BRINP3: variants seen among roughly 807,000 people sequenced by gnomAD.
The protein encoded by BRINP3 is BMP/retinoic acid inducible neural specific 3.
BRINP3 carries 19 observed loss-of-function variants against 71.0 expected under a neutral mutation model. The observed-to-expected ratio is 0.27, with a 90% confidence interval of 0.19 to 0.39. BRINP3 has a LOEUF of 0.39. BRINP3 is among the 10% of genes least tolerant of loss of function. The pLI, the probability that BRINP3 is intolerant of heterozygous loss-of-function variation, is 1.00. For synonymous variants in BRINP3, 380 were observed against 337.7 expected (o/e 1.13, Z -1.37); for missense variants, 959 against 940.8 (o/e 1.02, Z -0.25).
chr1:190,302,231 G>GTA (rs1389880375), intron 2 of BRINP3, among the ~76,000 whole-genome samples: 7 of 147,260 alleles, frequency 4.8e-5, no homozygotes, highest in Admixed American at 6.8e-5. Flanking sequence ...GACAAGAAGT[G>GTA]TATATATATA....
intron 4 of BRINP3, among the ~76,000 whole-genome samples, chr1:190,241,264 C>T (rs968326150): frequency 6.6e-6 from 1 of 152,010 alleles, no homozygotes. Context: ...TTCACCATCT[C>T]ATTATATAAA....
At position 190,097,840 on chromosome 1, in the gene BRINP3, C is replaced by T; in HGVS notation, c.*178G>A. Reference sequence around the variant, plus strand: ...TTATGTCATTCATAAACCAAAACTGCTGTATAATATATTCATTGTCAGCAA... The same window carrying T: ...TTATGTCATTCATAAACCAAAACTGTTGTATAATATATTCATTGTCAGCAA... On this transcript the variant is annotated 3_prime_UTR_variant, in exon 8 of 8. Transcript: ENST00000367462. 1 of 636,266 alleles carries T rather than the reference C, an allele frequency of 1.6e-6. No individual in the cohort carries two copies. The highest frequency in any genetic ancestry group is 2.6e-6 in the Non-Finnish European group (1 of 380,168). The allele number at this position is 636,266 out of a possible 1,614,324, so 39.4% of individuals were successfully genotyped here. A position where few individuals can be genotyped will look rare whatever the true frequency, so the allele number is the denominator to read the frequency against.
At chr1:190,222,784 C>A (rs762896388) in intron 6 of BRINP3, among the ~76,000 whole-genome samples, 24 of 151,386 alleles carry the variant, frequency 1.6e-4, no homozygotes, top group Non-Finnish European at 3.0e-4. Context: ...CTGACAAATT[C>A]TTTGTCTAAG....
At position 190,158,341 on chromosome 1, in the gene BRINP3, C is replaced by T. The variant is rs894921793; in HGVS notation, c.1184+2327G>A. Among the ~76,000 whole-genome samples the T allele has an allele frequency of 1.6e-4, 24 of 152,080 alleles. 1 individual carries two copies. Among genetic ancestry groups the T allele is most frequent in the Non-Finnish European group, 3.4e-4 (23 of 68,008 alleles). Reference sequence around the variant, plus strand: ...ATGTGGAACTGTAAGTCCATTAAACCTCTTTTTCTTCCCAGTCTCAAATAT... The same window carrying T: ...ATGTGGAACTGTAAGTCCATTAAACTTCTTTTTCTTCCCAGTCTCAAATAT... On this transcript the variant is annotated intron_variant, in intron 7 of 7. Transcript: ENST00000367462.
chr1:190,460,136 A>T (rs1415905380), intron 1 of BRINP3, among the ~76,000 whole-genome samples: 2 of 151,880 alleles, frequency 1.3e-5, no homozygotes, highest in Non-Finnish European at 2.9e-5. Context: ...AAAACTATGA[A>T]TCTTCAAAAT....
At chr1:190,116,650 A>T (rs1178228448) in intron 7 of BRINP3, among the ~76,000 whole-genome samples, 1 of 152,040 alleles carries the variant, frequency 6.6e-6, no homozygotes, top group East Asian at 1.9e-4. Flanking sequence ...AAAAGAACAC[A>T]TTTGCATTAC....
chr1:190,412,906 A>G (rs1046545729), intron 2 of BRINP3, among the ~76,000 whole-genome samples: 1 of 152,164 alleles, frequency 6.6e-6, no homozygotes, highest in African/African-American at 2.4e-5. Flanking sequence ...AAAAGAAAGA[A>G]GAAAGGGAGA....
intron 7 of BRINP3, among the ~76,000 whole-genome samples, chr1:190,126,477 T>C (rs536468443): frequency 1.4e-4 from 21 of 152,094 alleles, no homozygotes; most frequent in African/African-American, 5.1e-4. Flanking sequence ...ACCTGTATCA[T>C]AGGACTTACA....
chr1:190,320,079 G>T (rs1666137556), intron 2 of BRINP3, among the ~76,000 whole-genome samples: 1 of 151,838 alleles, frequency 6.6e-6, no homozygotes, highest in South Asian at 2.1e-4. Context: ...TGGTAACTTT[G>T]ACTTTAAGCA....
chr1:190,235,072 A>T (rs1214387850), intron 4 of BRINP3, among the ~76,000 whole-genome samples: 1 of 151,770 alleles, frequency 6.6e-6, no homozygotes, highest in Non-Finnish European at 1.5e-5. Context: ...CCTCACTTGG[A>T]TTAGAAACTT....
intron 5 of BRINP3, among the ~76,000 whole-genome samples, chr1:190,228,537 T>C (rs776165268): frequency 2.6e-5 from 4 of 151,854 alleles, no homozygotes; most frequent in Non-Finnish European, 5.9e-5. Flanking sequence ...CAAGAAATGG[T>C]GAGTTCCGCT....
At position 190,160,751 on chromosome 1, in the gene BRINP3, T is replaced by C. The variant is rs145569815; in HGVS notation, c.1101A>G (p.Leu367=). Residue 367 remains leucine (L), a synonymous_variant, in exon 7 of 8, where the codon CTA becomes CTG. Transcript: ENST00000367462. ...QLENSMKQLF[L]KAQKIVHKLF... ...GCTTGTGTACAATTTTCTGCGCCTT[T>C]AGGAAAAGTTGTTTCATGCTGTTCT... is the stretch of plus-strand genomic sequence containing the variant. 12 of 1,613,494 alleles carry C rather than the reference T, an allele frequency of 7.4e-6. No homozygotes were observed. The highest frequency in any genetic ancestry group is 1.7e-5 in the Admixed American group (1 of 59,928).
chr1:190,250,350 T>C (rs1487641284), intron 4 of BRINP3, among the ~76,000 whole-genome samples: 2 of 151,986 alleles, frequency 1.3e-5, no homozygotes, highest in African/African-American at 4.8e-5. Context: ...GACGGAGAAA[T>C]AATATATTAA....
intron 6 of BRINP3, among the ~76,000 whole-genome samples, chr1:190,203,753 ATATATAT>A (rs1655224174): frequency 5.6e-4 from 3 of 5,360 alleles, no homozygotes; most frequent in African/African-American, 1.9e-3. Context: ...TAAAGAAAAT[ATATATAT>A]ATATATATAT....
chr1:190,284,493 T>C (rs1255830055), intron 2 of BRINP3, among the ~76,000 whole-genome samples: 1 of 151,966 alleles, frequency 6.6e-6, no homozygotes, highest in Non-Finnish European at 1.5e-5. Context: ...TGTGTAAAAA[T>C]ACAATTGTAT....
At chr1:190,309,728 T>A (rs1665384048) in intron 2 of BRINP3, among the ~76,000 whole-genome samples, 1 of 151,760 alleles carries the variant, frequency 6.6e-6, no homozygotes, top group Non-Finnish European at 1.5e-5. Context: ...AATTTTATTT[T>A]CCCTGATTAT....
chr1:190,291,874 C>A (rs1663895250), intron 2 of BRINP3, among the ~76,000 whole-genome samples: 1 of 152,032 alleles, frequency 6.6e-6, no homozygotes, highest in Non-Finnish European at 1.5e-5. Flanking sequence ...TTCACAGTAG[C>A]CAAGACATAG....
intron 2 of BRINP3, among the ~76,000 whole-genome samples, chr1:190,430,756 T>G (rs1185893479): frequency 6.6e-6 from 1 of 152,174 alleles, no homozygotes; most frequent in Non-Finnish European, 1.5e-5. Context: ...TTCTTCTCAG[T>G]GTGAAATGTT....
chr1:190,444,343 A>C (rs899742066), intron 2 of BRINP3, among the ~76,000 whole-genome samples: 10 of 150,452 alleles, frequency 6.6e-5, no homozygotes, highest in Non-Finnish European at 5.9e-5. Context: ...TTTTGTGTAC[A>C]AAGGCTGTTT....
Sources: gnomAD v4.1 joint callset for allele counts (sites outside exome capture counted in the v4.1 genomes callset) on GRCh38, gnomAD v4.1.1 for gene constraint, MANE v1.5 for transcripts, NCBI Gene and HGNC (gene_info 2026-07-23, HGNC 2026-07-21) for gene names.